The following KCNH5 variants were observed in gnomAD, a reference collection of about 807,000 sequenced individuals.
KCNH5 encodes the protein potassium voltage-gated channel subfamily H member 5.
In KCNH5, 46 loss-of-function variants were observed where a neutral mutation model predicts 96.1. The ratio of observed to expected loss-of-function variants is 0.48; its 90% CI spans 0.38 to 0.61. The LOEUF (loss-of-function observed/expected upper bound fraction) is 0.61, where lower values mean the gene tolerates loss of function less well. Ranked by LOEUF, KCNH5 falls within the 20% of genes least tolerant of loss-of-function variation. The pLI, the probability that KCNH5 is intolerant of heterozygous loss-of-function variation, is 0.00. For missense variants in KCNH5, 907 were observed against 1,225.8 expected (o/e 0.74, Z 3.88); for synonymous variants, 439 against 449.8 (o/e 0.98, Z 0.30).
intron 6 of KCNH5, among the ~76,000 whole-genome samples, chr14:62,971,984 T>C (rs1890416836): frequency 6.6e-6 from 1 of 152,028 alleles, no homozygotes; most frequent in Admixed American, 6.6e-5. Flanking sequence ...GCACAATCCA[T>C]GAAAGTAATA....
intron 6 of KCNH5, among the ~76,000 whole-genome samples, chr14:62,963,866 G>A (rs1890257724): frequency 6.6e-6 from 1 of 152,140 alleles, no homozygotes; most frequent in South Asian, 2.1e-4. Context: ...CATTAGTGGT[G>A]GGAAACTCAA....
chr14:62,936,868 C>A (rs533125270), intron 7 of KCNH5, among the ~76,000 whole-genome samples: 10 of 151,438 alleles, frequency 6.6e-5, no homozygotes, highest in Admixed American at 1.3e-4. Flanking sequence ...GTAATCCCAG[C>A]TACTCAGGAG....
At chr14:62,924,542 T>C (rs1421987192) in intron 7 of KCNH5, among the ~76,000 whole-genome samples, 1 of 151,908 alleles carries the variant, frequency 6.6e-6, no homozygotes, top group Non-Finnish European at 1.5e-5. Context: ...CAGCATTATT[T>C]ACAATAGCCA....
chr14:62,932,014 A>C (rs142167395), intron 7 of KCNH5, among the ~76,000 whole-genome samples: 27 of 152,284 alleles, frequency 1.8e-4, no homozygotes, highest in Admixed American at 1.5e-3. Context: ...TTCCTCCCTG[A>C]GGGAATTGGC....
At chr14:62,897,581 G>GCC in intron 7 of KCNH5, among the ~76,000 whole-genome samples, 1 of 152,100 alleles carries the variant, frequency 6.6e-6, no homozygotes, top group Non-Finnish European at 1.5e-5. Flanking sequence ...CTTTGTCTTA[G>GCC]CTCTACCATG....
At chr14:62,883,715 G>A (rs922996515) in intron 7 of KCNH5, among the ~76,000 whole-genome samples, 6 of 151,834 alleles carry the variant, frequency 4.0e-5, no homozygotes, top group African/African-American at 9.7e-5. Flanking sequence ...TACTTTTCAC[G>A]TTACACACTG....
At chr14:62,862,501 C>T (rs992834623) in intron 7 of KCNH5, among the ~76,000 whole-genome samples, 3 of 152,164 alleles carry the variant, frequency 2.0e-5, no homozygotes, top group African/African-American at 2.4e-5. Flanking sequence ...CAAATCCCTT[C>T]GTGGTAAGAC....
intron 7 of KCNH5, among the ~76,000 whole-genome samples, chr14:62,942,128 C>T (rs1317484679): frequency 6.6e-6 from 1 of 152,080 alleles, no homozygotes; most frequent in Non-Finnish European, 1.5e-5. Flanking sequence ...TGTAAAAAGC[C>T]CTAACATCTT....
chr14:62,849,579 G>C (rs985796357), intron 8 of KCNH5, 74 bp downstream of exon 8: 16 of 1,183,888 alleles, frequency 1.4e-5, no homozygotes, highest in Non-Finnish European at 1.9e-5. Context: ...CAAGCAATAC[G>C]TGACTGGAAA....
intron 7 of KCNH5, among the ~76,000 whole-genome samples, chr14:62,901,902 T>A (rs182159222): frequency 2.4e-4 from 36 of 152,306 alleles, no homozygotes; most frequent in Non-Finnish European, 4.1e-4. Flanking sequence ...TTTTACTTTT[T>A]AGTAACAGTA....
chr14:62,905,063 A>G (rs532667468), intron 7 of KCNH5, among the ~76,000 whole-genome samples: 2 of 152,320 alleles, frequency 1.3e-5, no homozygotes, highest in East Asian at 3.9e-4. Context: ...GCTGGTAGAG[A>G]CTTTGAAAAG....
At chr14:62,941,370 A>G (rs926367635) in intron 7 of KCNH5, among the ~76,000 whole-genome samples, 1 of 152,184 alleles carries the variant, frequency 6.6e-6, no homozygotes, top group Non-Finnish European at 1.5e-5. Flanking sequence ...TTGGAATAAG[A>G]ATCAGGGAGT....
chr14:62,836,970 T>A (rs760307738), intron 8 of KCNH5, among the ~76,000 whole-genome samples: 1 of 152,176 alleles, frequency 6.6e-6, no homozygotes, highest in Non-Finnish European at 1.5e-5. Context: ...TAATCTTGGA[T>A]AATTTATTTA....
At chr14:62,816,213 A>G (rs183689509) in intron 8 of KCNH5, among the ~76,000 whole-genome samples, 56 of 152,082 alleles carry the variant, frequency 3.7e-4, no homozygotes, top group Non-Finnish European at 5.9e-5. Context: ...TAGTTCAGCA[A>G]TTGAAATCAT....
intron 7 of KCNH5, among the ~76,000 whole-genome samples, chr14:62,948,638 A>G (rs934215927): frequency 4.0e-5 from 6 of 151,060 alleles, no homozygotes; most frequent in Non-Finnish European, 5.9e-5. Context: ...AAAAAGAGGG[A>G]ATCCTCCCTA....
intron 7 of KCNH5, among the ~76,000 whole-genome samples, chr14:62,854,294 T>C (rs1887888595): frequency 6.6e-6 from 1 of 152,174 alleles, no homozygotes; most frequent in Non-Finnish European, 1.5e-5. Flanking sequence ...TCCTAGAACA[T>C]GGCAAGTGTT....
intron 6 of KCNH5, among the ~76,000 whole-genome samples, chr14:62,961,672 A>G (rs553469170): frequency 2.6e-5 from 4 of 152,186 alleles, no homozygotes; most frequent in Admixed American, 2.6e-4. Context: ...CATGATGGAC[A>G]TGAAAATGGA....
At chr14:63,020,259 G>A (rs1674034267) in intron 1 of KCNH5, among the ~76,000 whole-genome samples, 1 of 152,112 alleles carries the variant, frequency 6.6e-6, no homozygotes, top group Admixed American at 6.6e-5. Context: ...ACAGCTTCTT[G>A]TAAAGTTAAA....
intron 7 of KCNH5, among the ~76,000 whole-genome samples, chr14:62,861,178 A>C (rs1346654425): frequency 2.0e-5 from 3 of 152,222 alleles, no homozygotes; most frequent in Non-Finnish European, 4.4e-5. Context: ...TTATGTTCTC[A>C]AGGAGCAGAA....
Sources: gnomAD v4.1 joint callset for allele counts (sites outside exome capture counted in the v4.1 genomes callset) on GRCh38, gnomAD v4.1.1 for gene constraint, MANE v1.5 for transcripts, NCBI Gene and HGNC (gene_info 2026-07-23, HGNC 2026-07-21) for gene names.